The following MACROD2 variants were observed in gnomAD, a reference collection of about 807,000 sequenced individuals.
MACROD2 encodes mono-ADP ribosylhydrolase 2, also known as ADP-ribose glycohydrolase MACROD2.
A neutral mutation model predicts 70.4 loss-of-function variants in MACROD2; 36 were observed. The ratio of observed to expected loss-of-function variants is 0.51; its 90% CI spans 0.39 to 0.68. The LOEUF (loss-of-function observed/expected upper bound fraction) is 0.68. MACROD2 is among the 30% of genes least tolerant of loss of function. The pLI, the probability that MACROD2 is intolerant of heterozygous loss-of-function variation, is 0.00. For missense variants in MACROD2, 496 were observed against 538.4 expected (o/e 0.92, Z 0.78); for synonymous variants, 172 against 178.8 (o/e 0.96, Z 0.30).
Position 15,043,362 on chromosome 20 carries a change from T to C in MACROD2, c.419-186578T>C, listed in dbSNP as rs542965224. On this transcript the variant is annotated intron_variant, in intron 5 of 17. Transcript: ENST00000684519. ...TGGGGCTGTGCCTTTGCATAGGGCA[T>C]TGCTGTGCCTTTGCATGGGGCATTG... Among the ~76,000 whole-genome samples, 18 of 152,354 alleles carry C rather than the reference T, an allele frequency of 1.2e-4. 1 individual carries two copies. The highest frequency in any genetic ancestry group is 4.3e-4 in the African/African-American group (18 of 41,592).
chr20:14,209,810 C>T (rs1226954489), intron 3 of MACROD2, among the ~76,000 whole-genome samples: 1 of 152,036 alleles, frequency 6.6e-6, no homozygotes, highest in South Asian at 2.1e-4. Context: ...AGTCTCATAG[C>T]CACTTAGTCG....
At chr20:15,303,753 G>A (rs904152921) in intron 6 of MACROD2, among the ~76,000 whole-genome samples, 2 of 151,980 alleles carry the variant, frequency 1.3e-5, no homozygotes, top group African/African-American at 4.8e-5. Flanking sequence ...TTTATGCACC[G>A]TATTTTTTTC....
At chr20:14,652,871 A>G (rs1262992546) in intron 4 of MACROD2, among the ~76,000 whole-genome samples, 2 of 152,148 alleles carry the variant, frequency 1.3e-5, no homozygotes, top group African/African-American at 4.8e-5. Context: ...TTTGCCTCAC[A>G]CTTAGGCTTC....
At chr20:14,009,249 A>G (rs2052864160) in intron 2 of MACROD2, among the ~76,000 whole-genome samples, 1 of 152,234 alleles carries the variant, frequency 6.6e-6, no homozygotes, top group Non-Finnish European at 1.5e-5. Context: ...TCTATAAGGA[A>G]CTTAAATTTA....
chr20:15,842,444 G>A (rs1192127253), intron 8 of MACROD2, among the ~76,000 whole-genome samples: 3 of 148,608 alleles, frequency 2.0e-5, no homozygotes, highest in Non-Finnish European at 4.4e-5. Context: ...CAAAAATCCC[G>A]AGACCTTTCA....
intron 9 of MACROD2, among the ~76,000 whole-genome samples, chr20:15,865,836 T>C (rs1249829996): frequency 6.6e-6 from 1 of 152,180 alleles, no homozygotes; most frequent in African/African-American, 2.4e-5. Context: ...ACCTGGGGGC[T>C]GTCTTTATTA....
chr20:15,055,101 C>T (rs539274351), intron 5 of MACROD2, among the ~76,000 whole-genome samples: 7 of 152,196 alleles, frequency 4.6e-5, no homozygotes, highest in Admixed American at 3.9e-4. Flanking sequence ...AGGCGCCTTC[C>T]ACCACACCCA....
At chr20:14,041,389 A>G (rs987914665) in intron 2 of MACROD2, among the ~76,000 whole-genome samples, 6 of 152,058 alleles carry the variant, frequency 3.9e-5, no homozygotes, top group Non-Finnish European at 7.4e-5. Context: ...TGTCCTTGCT[A>G]TTTTGGAGGG....
intron 9 of MACROD2, among the ~76,000 whole-genome samples, chr20:15,864,528 G>A (rs887290151): frequency 6.6e-6 from 1 of 152,036 alleles, no homozygotes; most frequent in Non-Finnish European, 1.5e-5. Flanking sequence ...AAAAATAATT[G>A]CATAATTATG....
At chr20:15,545,234 C>A (rs989825509) in intron 8 of MACROD2, among the ~76,000 whole-genome samples, 1 of 152,150 alleles carries the variant, frequency 6.6e-6, no homozygotes, top group African/African-American at 2.4e-5. Context: ...GACAGAAAGA[C>A]AAATAAATTG....
intron 5 of MACROD2, among the ~76,000 whole-genome samples, chr20:15,021,378 AGTC>A (rs2075182821): frequency 4.4e-4 from 2 of 4,548 alleles, no homozygotes; most frequent in Non-Finnish European, 7.9e-4. Flanking sequence ...ATGCATACGC[AGTC>A]TTCTGTATAT....
chr20:14,918,681 A>G (rs1355887540), intron 5 of MACROD2, among the ~76,000 whole-genome samples: 1 of 151,242 alleles, frequency 6.6e-6, no homozygotes, highest in Admixed American at 6.6e-5. Flanking sequence ...CTGCTAAACA[A>G]TGTCTCCTCT....
chr20:15,673,795 A>AAG (rs1555858587), intron 8 of MACROD2, among the ~76,000 whole-genome samples: 32 of 150,852 alleles, frequency 2.1e-4, no homozygotes, highest in African/African-American at 5.3e-4. Flanking sequence ...AAAAAAAAAA[A>AAG]CAGCCCTGAT....
chr20:16,033,433 T>A (rs563473701), intron 15 of MACROD2, among the ~76,000 whole-genome samples: 1 of 152,238 alleles, frequency 6.6e-6, no homozygotes, highest in Admixed American at 6.5e-5. Flanking sequence ...ATATGCTGGC[T>A]GTATAATAGA....
chr20:15,747,077 G>A (rs558815446), intron 8 of MACROD2, among the ~76,000 whole-genome samples: 2 of 152,194 alleles, frequency 1.3e-5, no homozygotes, highest in South Asian at 4.2e-4. Flanking sequence ...CAGGAGAATG[G>A]GAAGGTTAGT....
intron 15 of MACROD2, among the ~76,000 whole-genome samples, chr20:16,038,284 T>G (rs1254660618): frequency 1.3e-5 from 2 of 151,932 alleles, no homozygotes; most frequent in Admixed American, 1.3e-4. Context: ...TGGTTTGAGA[T>G]GATATCTGAT....
rs1252389850 is a variant in MACROD2, at chr20:15,471,516, AC to A, written c.572-28257del. ...GTAACTTACACAGAACTCAAAAAAAACTTTATGTTTCATGTCTGTTTGATTC... is the reference window on the plus strand; with the variant it reads ...GTAACTTACACAGAACTCAAAAAAAATTTATGTTTCATGTCTGTTTGATTC... On this transcript the variant is annotated intron_variant, in intron 7 of 17. Transcript: ENST00000684519. Among the ~76,000 whole-genome samples, 5 of 152,194 alleles carry A rather than the reference AC, an allele frequency of 3.3e-5. No individual in the cohort carries two copies. The East Asian group carries it at 9.6e-4, about 29-fold the overall frequency.
At chr20:14,293,517 A>G (rs1436517786) in intron 3 of MACROD2, among the ~76,000 whole-genome samples, 1 of 151,546 alleles carries the variant, frequency 6.6e-6, no homozygotes, top group Non-Finnish European at 1.5e-5. Flanking sequence ...AAAAAGATCT[A>G]TTTCAAGAAG....
Position 15,021,105 on chromosome 20 carries a change from C to CGTGT in MACROD2, c.419-208834_419-208831dup, listed in dbSNP as rs200220157. ...GTGTATACACGTGTATGTGTATACA[C>CGTGT]GTGTATGTGTATACACGTGTGTATA... On this transcript the variant is annotated intron_variant, in intron 5 of 17. Transcript: ENST00000684519. Among the ~76,000 whole-genome samples the CGTGT allele has an allele frequency of 2.6e-3, 327 of 123,796 alleles. 23 individuals are homozygous for CGTGT. The highest frequency in any genetic ancestry group is 7.5e-3 in the African/African-American group (222 of 29,740). The allele number at this position is 123,796 out of a possible 152,430, so 81.2% of individuals were successfully genotyped here.
Sources: allele counts gnomAD v4.1 joint callset (sites outside exome capture counted in the v4.1 genomes callset), GRCh38; gene constraint gnomAD v4.1.1; transcripts MANE v1.5; gene names NCBI Gene and HGNC (gene_info 2026-07-23, HGNC 2026-07-21).